PLA2G2F: variants seen among roughly 807,000 people sequenced by gnomAD.
PLA2G2F encodes phospholipase A2 group IIF.
In PLA2G2F, 17 loss-of-function variants were observed where a neutral mutation model predicts 15.9. The observed-to-expected ratio is 1.07, with a 90% CI of 0.73 to 1.60. The LOEUF is 1.60. Ranked by LOEUF, PLA2G2F falls within the 40% of genes most tolerant of loss-of-function variation. The probability of loss-of-function intolerance (pLI) is 0.00; values close to 1 mark genes in which losing one functional copy is unlikely to be tolerated. For missense variants in PLA2G2F, 299 were observed against 278.2 expected (o/e 1.07, Z -0.53); for synonymous variants, 119 against 106.5 (o/e 1.12, Z -0.72).
chr1:20,145,927 G>A (rs2017595104), intron 4 of PLA2G2F, among the ~76,000 whole-genome samples: 1 of 152,192 alleles, frequency 6.6e-6, no homozygotes, highest in South Asian at 2.1e-4. Context: ...ATTCAACCAG[G>A]AATCCTGTGT....
Position 20,148,710 on chromosome 1 carries a change from G to A in PLA2G2F, c.*309G>A. ...GAGAGGAGGAGGGGCCTCTGAGTGG[G>A]GCCTCTGTTGCTGGCGCCAGTTTAA... On this transcript the variant is annotated 3_prime_UTR_variant, in exon 5 of 5. Transcript: ENST00000375102. The A allele has an allele frequency of 2.5e-6, 1 of 395,722 alleles. No homozygotes were observed. The allele number at this position is 395,722 out of a possible 1,614,324, so 24.5% of individuals were successfully genotyped here. A position where few individuals can be genotyped will look rare whatever the true frequency, so the allele number is the denominator to read the frequency against.
intron 2 of PLA2G2F, chr1:20,141,663 G>C (rs1172236987): frequency 6.6e-6 from 1 of 152,460 alleles, no homozygotes; most frequent in Non-Finnish European, 1.5e-5. Flanking sequence ...GGCAGATGGG[G>C]AGGCAGCCAG....
rs74913983 is a variant in PLA2G2F, at chr1:20,149,458, C to T, written c.*1057C>T. 0.064 allele frequency: 9,689 copies of T among 152,466 alleles called. 488 individuals carry two copies. The highest frequency in any genetic ancestry group is 0.14 in the African/African-American group (5,764 of 41,522). The allele number at this position is 152,466 out of a possible 1,614,324, so 9.4% of individuals were successfully genotyped here. On this transcript the variant is annotated 3_prime_UTR_variant, in exon 5 of 5. Coordinates refer to ENST00000375102, the MANE Select transcript of PLA2G2F (RefSeq NM_022819.4). ...ACAAGTCCCATTGGTGGGGAAGAGG[C>T]TGAGGGCTGAGACCCACCTCAGTGA... is the stretch of plus-strand genomic sequence containing the variant.
In PLA2G2F at chr1:20,139,349, G is replaced by A; in HGVS notation, c.-79G>A. The A allele has an allele frequency of 1.8e-6, 2 of 1,115,818 alleles. No individual in the cohort carries two copies. The highest frequency in any genetic ancestry group is 2.6e-6 in the Non-Finnish European group (2 of 755,122). The allele number at this position is 1,115,818 out of a possible 1,614,324, so 69.1% of individuals were successfully genotyped here. A position where few individuals can be genotyped will look rare whatever the true frequency, so the allele number is the denominator to read the frequency against. On this transcript the variant is annotated 5_prime_UTR_variant, in exon 1 of 5. Transcript: ENST00000375102. ...CCAGTGTGCGAGGCAGCGTGAAGCTGGGGCCTGCTCCCCGCAGCCTCTGGA... is the reference window on the plus strand; with the variant it reads ...CCAGTGTGCGAGGCAGCGTGAAGCTAGGGCCTGCTCCCCGCAGCCTCTGGA...
rs768543972 is a variant in PLA2G2F, at chr1:20,148,390, G to A, written c.625G>A (p.Ala209Thr). ...CAGTCACCAATCCCCAGCGCCCCCC[G>A]CCCCTCCCTAGAGCCTCTGAGGTTT... is the stretch of plus-strand genomic sequence containing the variant. ...TCSHQSPAPP[A>T]PP is the part of the protein sequence containing the mutation. The change falls in exon 5 of 5, where the codon GCC becomes ACC. Residue 209 changes from alanine (A) to threonine (T), a missense_variant. Coordinates refer to ENST00000375102, the MANE Select transcript of PLA2G2F (RefSeq NM_022819.4). The A allele has an allele frequency of 1.6e-5, 25 of 1,610,734 alleles. No individual in the cohort carries two copies. Among genetic ancestry groups the A allele is most frequent in the South Asian group, 1.4e-4 (13 of 91,008 alleles).
chr1:20,145,341 G>A (rs1199135593), intron 4 of PLA2G2F, among the ~76,000 whole-genome samples: 1 of 151,254 alleles, frequency 6.6e-6, no homozygotes, highest in Non-Finnish European at 1.5e-5. Context: ...GAGTGCAGTG[G>A]CATGATCTCG....
intron 4 of PLA2G2F, among the ~76,000 whole-genome samples, chr1:20,146,568 GC>G (rs1396315913): frequency 3.3e-5 from 5 of 152,164 alleles, no homozygotes; most frequent in African/African-American, 1.2e-4. Flanking sequence ...ACTCCCCCTG[GC>G]CCAGCCTGTG....
intron 2 of PLA2G2F, chr1:20,142,390 G>A (rs1370558945): frequency 6.6e-6 from 1 of 152,402 alleles, no homozygotes; most frequent in African/African-American, 2.4e-5. Flanking sequence ...AATCGTGATA[G>A]ATTGGCTCTC....
chr1:20,142,975 G>A (rs1273722297), intron 2 of PLA2G2F: 1 of 153,390 alleles, frequency 6.5e-6, no homozygotes, highest in African/African-American at 2.4e-5. Context: ...AAGTGGCAGG[G>A]GGTGTGGATG....
At chr1:20,144,757 G>T in intron 4 of PLA2G2F, 68 bp downstream of exon 4, 2 of 1,331,340 alleles carry the variant, frequency 1.5e-6, no homozygotes, top group Admixed American at 2.0e-5. Flanking sequence ...CCTGTGCTGG[G>T]ATGGTGGACA....
intron 2 of PLA2G2F, 21 bp from the exon 3 acceptor site, chr1:20,143,425 C>G (rs1216353824): frequency 6.2e-7 from 1 of 1,609,990 alleles, no homozygotes; most frequent in South Asian, 1.1e-5. Context: ...GGGCTCAGAG[C>G]ACCCCCTGGT....
chr1:20,148,427 CG>C lies in PLA2G2F; in HGVS notation c.*29del. 1 of 1,574,114 alleles carries C rather than the reference CG, an allele frequency of 6.4e-7. No homozygotes were observed. On this transcript the variant is annotated 3_prime_UTR_variant, in exon 5 of 5. Transcript: ENST00000375102. Reference sequence around the variant, plus strand: ...AGCCTCTGAGGTTTGAGAGAGAGAGCGGGAGGAGGGTCTGGCTTGGGGACCA... The same window carrying C: ...AGCCTCTGAGGTTTGAGAGAGAGAGCGGAGGAGGGTCTGGCTTGGGGACCA...
At chr1:20,142,417 G>A (rs2017494481) in intron 2 of PLA2G2F, 2 of 152,342 alleles carry the variant, frequency 1.3e-5, no homozygotes, top group South Asian at 4.1e-4. Context: ...GTGTGTGTAG[G>A]GCAGCTTCCC....
intron 3 of PLA2G2F, 64 bp downstream of exon 3, chr1:20,143,654 C>T (rs2017525516): frequency 1.3e-6 from 2 of 1,573,964 alleles, no homozygotes; most frequent in Non-Finnish European, 1.7e-6. Context: ...GTCAGACTGA[C>T]CTTGCCCTCC....
Position 20,148,191 on chromosome 1 carries a change from T to C in PLA2G2F, c.426T>C (p.Ser142=). The part of the protein sequence containing the change: ...TIENNTEIVC[S]DLNKTECDKQ... The stretch of plus-strand genomic sequence containing the variant: ...CTTTGCCACCCCATCCCCCTGTAGG[T>C]GACCTCAACAAGACAGAGTGTGACA... Residue 142 remains serine (S), a splice_region_variant and synonymous_variant, in exon 5 of 5, where the codon AGT becomes AGC. Coordinates refer to ENST00000375102, the MANE Select transcript of PLA2G2F (RefSeq NM_022819.4). 1 of 1,613,784 alleles carries C rather than the reference T, an allele frequency of 6.2e-7. No individual in the cohort carries two copies. Among genetic ancestry groups the C allele is most frequent in the Non-Finnish European group, 8.5e-7 (1 of 1,179,840 alleles).
At chr1:20,140,430 G>A in intron 2 of PLA2G2F, 1 of 572,214 alleles carries the variant, frequency 1.7e-6, no homozygotes, top group Non-Finnish European at 3.1e-6. Context: ...GAGCCCTGGG[G>A]GGCAGGGCGC....
intron 1 of PLA2G2F, among the ~76,000 whole-genome samples, 161 bp from the exon 2 acceptor site, chr1:20,140,005 G>T (rs1166944504): frequency 6.6e-6 from 1 of 152,198 alleles, no homozygotes; most frequent in East Asian, 1.9e-4. Context: ...TCCTCCAGGA[G>T]GGGCTGGGCA....
Position 20,146,924 on chromosome 1 carries a change from TG to T in PLA2G2F, c.425-1262del, listed in dbSNP as rs771071165. Among the ~76,000 whole-genome samples the T allele has an allele frequency of 2.7e-4, 41 of 152,296 alleles. 1 individual carries two copies. The highest frequency in any genetic ancestry group is 5.2e-4 in the Admixed American group (8 of 15,298). ...TTTCATGCTGGGTTCTGGGAATCCC[TG>T]GGGCCATCAGAGCCAGAGGCCCTGA... On this transcript the variant is annotated intron_variant, in intron 4 of 4. Transcript: ENST00000375102.
chr1:20,141,369 G>C (rs1252750495), intron 2 of PLA2G2F: 1 of 152,468 alleles, frequency 6.6e-6, no homozygotes, highest in African/African-American at 2.4e-5. Context: ...AGTGTATCAG[G>C]TATGTATGTG....
Sources: allele counts gnomAD v4.1 joint callset (sites outside exome capture counted in the v4.1 genomes callset), GRCh38; gene constraint gnomAD v4.1.1; transcripts MANE v1.5; gene names NCBI Gene and HGNC (gene_info 2026-07-23, HGNC 2026-07-21).